GRID2: variants seen among roughly 807,000 people sequenced by gnomAD.
GRID2 encodes glutamate ionotropic receptor delta type subunit 2, also known as glutamate receptor ionotropic, delta-2.
GRID2 carries 33 observed loss-of-function variants against 114.8 expected under a neutral mutation model. That is an observed-to-expected ratio of 0.29 (90% confidence interval 0.22 to 0.38). GRID2 has a LOEUF of 0.38. GRID2 is among the 10% of genes least tolerant of loss of function. GRID2 has a pLI of 1.00. For missense variants in GRID2, 1,184 were observed against 1,257.7 expected, an observed-to-expected ratio of 0.94 and a Z score of 0.89; for synonymous variants, 505 against 449.9, an observed-to-expected ratio of 1.12 and a Z score of -1.55.
rs186685940 is a variant in GRID2 at position 92,471,811 on chromosome 4, C to A, written c.89-118320C>A. On this transcript the variant is annotated intron_variant, in intron 1 of 15. Transcript: ENST00000282020. ...GGAAAACGTGGTTTTTTTCTGGTCA[C>A]TGTATTAGTTTGCATTTTATACAGG... is the stretch of plus-strand genomic sequence containing the variant. 2.9e-3 allele frequency among the ~76,000 whole-genome samples: 442 copies of A among 151,956 alleles called. 3 individuals are homozygous for A. The highest frequency in any genetic ancestry group is 9.8e-3 in the African/African-American group (405 of 41,510).
At chr4:92,610,773 AT>A (rs1729681784) in intron 2 of GRID2, among the ~76,000 whole-genome samples, 1 of 151,682 alleles carries the variant, frequency 6.6e-6, no homozygotes, top group South Asian at 2.1e-4. Flanking sequence ...GTTTCTATAG[AT>A]TAGCCTCTTC....
chr4:93,061,045 G>A (rs1727742795), intron 2 of GRID2, among the ~76,000 whole-genome samples: 1 of 151,930 alleles, frequency 6.6e-6, no homozygotes, highest in Admixed American at 6.6e-5. Context: ...GGACGTTGCA[G>A]TGAGCCAAAA....
chr4:93,800,761 C>A (rs1354429359), intron 1 of GRID2, among the ~76,000 whole-genome samples: 1 of 152,126 alleles, frequency 6.6e-6, no homozygotes, highest in African/African-American at 2.4e-5. Flanking sequence ...ATAATTACTA[C>A]TACTGTTAAA....
chr4:93,279,092 G>T (rs890814638), intron 8 of GRID2, among the ~76,000 whole-genome samples: 2 of 151,652 alleles, frequency 1.3e-5, no homozygotes, highest in African/African-American at 4.8e-5. Flanking sequence ...AATTATATTT[G>T]ATTACCCTTT....
At chr4:93,000,967 T>TGA (rs1448443319) in intron 2 of GRID2, among the ~76,000 whole-genome samples, 1 of 151,416 alleles carries the variant, frequency 6.6e-6, no homozygotes, top group African/African-American at 2.4e-5. Flanking sequence ...AAAATAATTT[T>TGA]GAGAGAAGCA....
At chr4:92,424,933 GA>G (rs1430148022) in intron 1 of GRID2, among the ~76,000 whole-genome samples, 1 of 151,736 alleles carries the variant, frequency 6.6e-6, no homozygotes, top group Non-Finnish European at 1.5e-5. Context: ...TTAATGAATG[GA>G]AAAAACATAG....
intron 2 of GRID2, among the ~76,000 whole-genome samples, chr4:92,590,918 G>A (rs1728681176): frequency 6.6e-6 from 1 of 152,030 alleles, no homozygotes; most frequent in African/African-American, 2.4e-5. Flanking sequence ...CTATTATGAA[G>A]GTTTTGATTG....
intron 13 of GRID2, among the ~76,000 whole-genome samples, chr4:93,591,547 G>A (rs1246131465): frequency 6.6e-6 from 1 of 152,260 alleles, no homozygotes; most frequent in East Asian, 1.9e-4. Context: ...CCGGGCTTTG[G>A]TATCAGAATG....
intron 7 of GRID2, among the ~76,000 whole-genome samples, chr4:93,234,988 T>G (rs1746600917): frequency 6.6e-6 from 1 of 152,154 alleles, no homozygotes; most frequent in African/African-American, 2.4e-5. Context: ...TCCTTTGCCA[T>G]TTCAAGCGTA....
chr4:92,878,549 G>T (rs1745787509), intron 2 of GRID2, among the ~76,000 whole-genome samples: 1 of 152,062 alleles, frequency 6.6e-6, no homozygotes, highest in South Asian at 2.1e-4. Context: ...AGTTCAAGAT[G>T]ATTTTACTTC....
intron 2 of GRID2, among the ~76,000 whole-genome samples, chr4:92,679,398 T>A (rs1458296267): frequency 6.6e-6 from 1 of 152,072 alleles, no homozygotes; most frequent in Non-Finnish European, 1.5e-5. Flanking sequence ...CATTTCTTCC[T>A]GCATACAGAA....
intron 4 of GRID2, among the ~76,000 whole-genome samples, chr4:93,187,637 A>C (rs1254350409): frequency 1.3e-5 from 2 of 152,180 alleles, no homozygotes; most frequent in African/African-American, 4.8e-5. Flanking sequence ...AATCTCATCT[A>C]AATATCATCT....
intron 8 of GRID2, among the ~76,000 whole-genome samples, chr4:93,268,362 C>T (rs1043119371): frequency 1.4e-4 from 21 of 152,198 alleles, no homozygotes; most frequent in East Asian, 9.7e-4. Context: ...TCCTGTTGAT[C>T]GGAAACCCAC....
At chr4:93,602,478 T>G (rs535580021) in intron 13 of GRID2, among the ~76,000 whole-genome samples, 1 of 152,326 alleles carries the variant, frequency 6.6e-6, no homozygotes, top group South Asian at 2.1e-4. Flanking sequence ...TCTGTCACAT[T>G]TTGGTAATGA....
intron 10 of GRID2, among the ~76,000 whole-genome samples, chr4:93,441,996 G>T (rs967733556): frequency 2.0e-5 from 3 of 151,882 alleles, no homozygotes; most frequent in Admixed American, 1.3e-4. Context: ...TATTTCATTT[G>T]ATACTGCACA....
intron 2 of GRID2, among the ~76,000 whole-genome samples, chr4:93,042,297 CTCTATA>C (rs1553971512): frequency 0.17 from 16,374 of 98,628 alleles, 970 homozygotes; most frequent in Admixed American, 0.27. Flanking sequence ...CTCTCTCTCT[CTCTATA>C]TATATATATA....
chr4:93,379,074 T>C (rs1010710681), intron 8 of GRID2, among the ~76,000 whole-genome samples: 6 of 152,042 alleles, frequency 3.9e-5, no homozygotes, highest in Non-Finnish European at 4.4e-5. Flanking sequence ...CCTTAAGAAA[T>C]CTATATACTT....
chr4:93,560,222 T>TAAAAATAAAA (rs1734772914), intron 13 of GRID2, among the ~76,000 whole-genome samples: 1 of 42,946 alleles, frequency 2.3e-5, no homozygotes, highest in Non-Finnish European at 4.0e-5. Flanking sequence ...GAACTTAAAG[T>TAAAAATAAAA]AAAAAAAAAA....
chr4:93,677,095 G>A (rs555984177), intron 14 of GRID2, among the ~76,000 whole-genome samples: 13 of 152,316 alleles, frequency 8.5e-5, no homozygotes, highest in African/African-American at 3.1e-4. Context: ...CTTTCCCTAC[G>A]GGCTTAGGAA....
Sources: gnomAD v4.1 joint callset for allele counts (sites outside exome capture counted in the v4.1 genomes callset) on GRCh38, gnomAD v4.1.1 for gene constraint, MANE v1.5 for transcripts, NCBI Gene and HGNC (gene_info 2026-07-23, HGNC 2026-07-21) for gene names.